The following CERT1 variants were observed in gnomAD, a reference collection of about 807,000 sequenced individuals.
The protein encoded by CERT1 is ceramide transporter 1, also known as ceramide transfer protein.
In CERT1, 31 loss-of-function variants were observed where a neutral mutation model predicts 87.9. The ratio of observed to expected loss-of-function variants is 0.35; its 90% CI spans 0.27 to 0.48. The LOEUF is 0.48. Ranked by LOEUF, CERT1 falls within the 20% of genes least tolerant of loss-of-function variation. The pLI is 0.99. For missense variants in CERT1, 487 were observed against 758.0 expected (o/e 0.64, Z 4.20); for synonymous variants, 289 against 250.9 (o/e 1.15, Z -1.44).
At chr5:75,393,531 AGCTTGGGAGGATT>A (rs1762111023) in intron 11 of CERT1, among the ~76,000 whole-genome samples, 1 of 135,608 alleles carries the variant, frequency 7.4e-6, no homozygotes, top group Admixed American at 8.1e-5. Flanking sequence ...TAGTCCCAGC[AGCTTGGGAGGATT>A]GCTTGGGCCT....
chr5:75,389,835 G>A (rs1468411892), intron 11 of CERT1, 148 bp from the exon 12 acceptor site: 2 of 597,256 alleles, frequency 3.3e-6, no homozygotes, highest in East Asian at 2.8e-5. Context: ...TTTACATAGT[G>A]TTTGAAGAGT....
chr5:75,410,433 C>A (rs1369044129), intron 8 of CERT1, among the ~76,000 whole-genome samples: 3 of 151,844 alleles, frequency 2.0e-5, no homozygotes, highest in African/African-American at 7.3e-5. Flanking sequence ...CATGGTGAAA[C>A]CCCGTCTCTA....
chr5:75,445,322 C>T (rs1764492758), intron 3 of CERT1, among the ~76,000 whole-genome samples: 1 of 152,156 alleles, frequency 6.6e-6, no homozygotes, highest in Non-Finnish European at 1.5e-5. Context: ...TCATACAGCT[C>T]AGAGGTATTG....
intron 2 of CERT1, among the ~76,000 whole-genome samples, chr5:75,487,212 C>G (rs528942008): frequency 2.0e-5 from 3 of 152,102 alleles, no homozygotes; most frequent in Admixed American, 1.3e-4. Flanking sequence ...AGAAAAGTGC[C>G]AAGAACATAC....
chr5:75,417,518 T>C (rs960658752), intron 6 of CERT1, among the ~76,000 whole-genome samples: 7 of 152,326 alleles, frequency 4.6e-5, no homozygotes, highest in Admixed American at 3.3e-4. Flanking sequence ...TTCAATTTTA[T>C]CATTTTAATT....
intron 2 of CERT1, among the ~76,000 whole-genome samples, chr5:75,491,692 A>G (rs532998002): frequency 6.6e-6 from 1 of 152,236 alleles, no homozygotes; most frequent in African/African-American, 2.4e-5. Context: ...TTTTTCTTAC[A>G]TGATTATTTT....
At chr5:75,434,542 C>T (rs535729724) in intron 3 of CERT1, among the ~76,000 whole-genome samples, 4 of 151,932 alleles carry the variant, frequency 2.6e-5, no homozygotes, top group East Asian at 1.9e-4. Flanking sequence ...TAATTTTTTC[C>T]GGAATAATTT....
At chr5:75,416,609 C>G (rs1046732990) in intron 7 of CERT1, among the ~76,000 whole-genome samples, 2 of 152,290 alleles carry the variant, frequency 1.3e-5, no homozygotes, top group South Asian at 4.1e-4. Context: ...CTCAACACTT[C>G]TATTCCAAAG....
rs183663849 is a variant in CERT1, at chr5:75,497,184, T to A, written c.231+8798A>T. Among the ~76,000 whole-genome samples the A allele has an allele frequency of 9.1e-4, 138 of 152,280 alleles. 1 individual carries two copies. Among genetic ancestry groups the A allele is most frequent in the African/African-American group, 3.2e-3 (135 of 41,560 alleles). On this transcript the variant is annotated intron_variant, in intron 2 of 16. Transcript: ENST00000643780. The stretch of plus-strand genomic sequence containing the variant: ...CTGTTCAAACATGACACGCTACGTA[T>A]CCCGGCTCTAGTGAGTCAACTGCAT...
At chr5:75,426,556 A>C (rs1763628318) in intron 3 of CERT1, 78 bp from the exon 4 acceptor site, 1 of 1,025,686 alleles carries the variant, frequency 9.7e-7, no homozygotes, top group African/African-American at 1.6e-5. Context: ...CTATGAATTA[A>C]CAAGGTTATT....
intron 12 of CERT1, among the ~76,000 whole-genome samples, chr5:75,386,587 T>C (rs954650053): frequency 6.6e-6 from 1 of 152,238 alleles, no homozygotes; most frequent in Non-Finnish European, 1.5e-5. Context: ...TTTAAAATTA[T>C]AGAGTTTGCT....
intron 11 of CERT1, among the ~76,000 whole-genome samples, chr5:75,392,805 T>TA (rs1762078961): frequency 6.6e-6 from 1 of 150,952 alleles, no homozygotes; most frequent in African/African-American, 2.4e-5. Context: ...CCGTCTCTAC[T>TA]AAAAATACAA....
intron 2 of CERT1, among the ~76,000 whole-genome samples, chr5:75,496,517 T>G (rs1411600774): frequency 6.6e-6 from 1 of 152,212 alleles, no homozygotes; most frequent in Non-Finnish European, 1.5e-5. Context: ...AAGACCTGCA[T>G]GCAAATGTTT....
At chr5:75,477,380 T>A (rs1055221358) in intron 2 of CERT1, among the ~76,000 whole-genome samples, 11 of 152,082 alleles carry the variant, frequency 7.2e-5, no homozygotes, top group African/African-American at 2.2e-4. Context: ...TCTTTTTTTT[T>A]AAGATAAAAT....
rs113690415 is a variant in CERT1, at chr5:75,508,847, T to C, written c.96+2265A>G. Among the ~76,000 whole-genome samples the C allele has an allele frequency of 3.3e-5, 5 of 152,140 alleles. No homozygotes were observed. The South Asian group carries it at 8.3e-4, about 25-fold the overall frequency. The stretch of plus-strand genomic sequence containing the variant: ...GGACAGAATTTCAAACAGTTTGGTG[T>C]GTGGAAAAACAGAAGGTAAACCATG... On this transcript the variant is annotated intron_variant, in intron 1 of 16. Transcript: ENST00000643780.
chr5:75,379,571 A>C, intron 16 of CERT1, 98 bp from the exon 17 acceptor site: 4 of 1,068,428 alleles, frequency 3.7e-6, no homozygotes, highest in Non-Finnish European at 5.5e-6. Flanking sequence ...TATTCCTCAC[A>C]TTGGACCAAT....
intron 3 of CERT1, among the ~76,000 whole-genome samples, chr5:75,433,101 T>C (rs1444603123): frequency 6.6e-6 from 1 of 152,262 alleles, no homozygotes; most frequent in Non-Finnish European, 1.5e-5. Flanking sequence ...TACTGTAGCA[T>C]TGTAATACAG....
At chr5:75,390,700 A>C (rs1761993926) in intron 11 of CERT1, among the ~76,000 whole-genome samples, 1 of 152,204 alleles carries the variant, frequency 6.6e-6, no homozygotes, top group South Asian at 2.1e-4. Flanking sequence ...CTTCCATTAA[A>C]ATTTTATCCT....
chr5:75,442,440 T>TAAA (rs1468238658), intron 3 of CERT1, among the ~76,000 whole-genome samples: 1 of 152,160 alleles, frequency 6.6e-6, no homozygotes, highest in Non-Finnish European at 1.5e-5. Flanking sequence ...AGTCTGGTCT[T>TAAA]AAAGTCCTGG....
Sources: allele counts gnomAD v4.1 joint callset (sites outside exome capture counted in the v4.1 genomes callset), GRCh38; gene constraint gnomAD v4.1.1; transcripts MANE v1.5; gene names NCBI Gene and HGNC (gene_info 2026-07-23, HGNC 2026-07-21).